The following CADM2 variants were observed in gnomAD, a reference collection of about 807,000 sequenced individuals.
The protein encoded by CADM2 is cell adhesion molecule 2, also known as immunoglobulin superfamily member 4D.
A neutral mutation model predicts 49.8 loss-of-function variants in CADM2; 12 were observed. The observed-to-expected ratio is 0.24, with a 90% CI of 0.15 to 0.39. The LOEUF is 0.39. Ranked by LOEUF, CADM2 falls within the 10% of genes least tolerant of loss-of-function variation. CADM2 has a pLI of 1.00. For missense variants in CADM2, 378 were observed against 492.3 expected (o/e 0.77, Z 2.20); for synonymous variants, 214 against 175.4 (o/e 1.22, Z -1.74).
At chr3:86,056,453 C>A (rs1275963674) in intron 8 of CADM2, among the ~76,000 whole-genome samples, 3 of 152,156 alleles carry the variant, frequency 2.0e-5, no homozygotes, top group Non-Finnish European at 4.4e-5. Context: ...GTATCTTTTT[C>A]AAGGACATAT....
chr3:85,771,810 C>T (rs1169247471), intron 2 of CADM2, among the ~76,000 whole-genome samples: 1 of 151,826 alleles, frequency 6.6e-6, no homozygotes, highest in African/African-American at 2.4e-5. Flanking sequence ...TCTAGATGGC[C>T]GATCTATAAT....
intron 8 of CADM2, among the ~76,000 whole-genome samples, chr3:86,011,803 G>T (rs1309064097): frequency 6.6e-6 from 1 of 152,058 alleles, no homozygotes; most frequent in Non-Finnish European, 1.5e-5. Context: ...AGGTGGAAAC[G>T]TACGAACATA....
At chr3:86,043,644 T>C (rs1400152997) in intron 8 of CADM2, among the ~76,000 whole-genome samples, 1 of 152,162 alleles carries the variant, frequency 6.6e-6, no homozygotes, top group African/African-American at 2.4e-5. Flanking sequence ...TCCAAGGTAA[T>C]TTGTAGATTC....
chr3:85,308,681 A>G (rs2044273892), intron 1 of CADM2, among the ~76,000 whole-genome samples: 1 of 152,056 alleles, frequency 6.6e-6, no homozygotes, highest in Non-Finnish European at 1.5e-5. Flanking sequence ...GTATGAAGAC[A>G]GAGCAGTGTA....
At chr3:85,968,870 T>G (rs1374320336) in intron 8 of CADM2, among the ~76,000 whole-genome samples, 1 of 151,752 alleles carries the variant, frequency 6.6e-6, no homozygotes, top group African/African-American at 2.4e-5. Flanking sequence ...ATAGAAGACA[T>G]AGATTTTTAC....
intron 1 of CADM2, among the ~76,000 whole-genome samples, chr3:85,469,701 A>G (rs2038682515): frequency 6.6e-6 from 1 of 152,180 alleles, no homozygotes; most frequent in Non-Finnish European, 1.5e-5. Flanking sequence ...ATCATGCATT[A>G]TCACCATTGG....
At chr3:85,093,372 G>A (rs1023698482) in intron 1 of CADM2, among the ~76,000 whole-genome samples, 15 of 151,746 alleles carry the variant, frequency 9.9e-5, no homozygotes, top group African/African-American at 1.7e-4. Context: ...TTAGCTCGGC[G>A]TGGTGGTGCA....
At chr3:85,179,662 T>G (rs900540179) in intron 1 of CADM2, among the ~76,000 whole-genome samples, 1 of 152,078 alleles carries the variant, frequency 6.6e-6, no homozygotes, top group Non-Finnish European at 1.5e-5. Context: ...CTATTTCAAA[T>G]TCGTATATTG....
Position 85,509,337 on chromosome 3 carries a change from G to A in CADM2, c.62-217185G>A, listed in dbSNP as rs567839793. Among the ~76,000 whole-genome samples, 10 of 152,234 alleles carry A rather than the reference G, an allele frequency of 6.6e-5. No individual in the cohort carries two copies. The South Asian group carries it at 1.9e-3, about 28-fold the overall frequency. ...ACAGGGTTTCTATAAGAACCAGCCA[G>A]CACATCATTTTGGAAACATAATCCC... is the stretch of plus-strand genomic sequence containing the variant. On this transcript the variant is annotated intron_variant, in intron 1 of 9. Coordinates refer to ENST00000383699, the MANE Select transcript of CADM2 (RefSeq NM_001167675.2).
chr3:86,029,199 T>C (rs942819861), intron 8 of CADM2, among the ~76,000 whole-genome samples: 1 of 152,132 alleles, frequency 6.6e-6, no homozygotes, highest in South Asian at 2.1e-4. Context: ...TGAAAGCTAT[T>C]GAACATTTTC....
chr3:85,646,915 G>A (rs1432783565), intron 1 of CADM2, among the ~76,000 whole-genome samples: 1 of 151,722 alleles, frequency 6.6e-6, no homozygotes, highest in African/African-American at 2.4e-5. Context: ...CTTGGCCTGT[G>A]GTAAAACATC....
intron 1 of CADM2, among the ~76,000 whole-genome samples, chr3:85,144,283 T>C (rs938123033): frequency 1.3e-5 from 2 of 149,084 alleles, no homozygotes; most frequent in Non-Finnish European, 3.0e-5. Flanking sequence ...GTGCACACAA[T>C]CTTTCTCGTG....
chr3:85,446,998 A>ATG (rs1336658633), intron 1 of CADM2, among the ~76,000 whole-genome samples: 1 of 114,912 alleles, frequency 8.7e-6, no homozygotes, highest in Non-Finnish European at 1.7e-5. Flanking sequence ...TTGCATATAT[A>ATG]TATATATATA....
chr3:85,304,427 TA>T (rs1393867458), intron 1 of CADM2, among the ~76,000 whole-genome samples: 4 of 151,804 alleles, frequency 2.6e-5, no homozygotes, highest in African/African-American at 9.7e-5. Flanking sequence ...AGATGTTAAT[TA>T]AATGACCTTT....
At chr3:85,077,551 A>G (rs1276024945) in intron 1 of CADM2, among the ~76,000 whole-genome samples, 1 of 152,110 alleles carries the variant, frequency 6.6e-6, no homozygotes, top group African/African-American at 2.4e-5. Flanking sequence ...AACCCAAACT[A>G]TAACATCTCC....
chr3:85,395,629 A>G (rs376512443), intron 1 of CADM2, among the ~76,000 whole-genome samples: 1 of 152,214 alleles, frequency 6.6e-6, no homozygotes, highest in East Asian at 1.9e-4. Context: ...GGGAATATAT[A>G]AACTGTTCAT....
At chr3:86,034,647 A>G (rs1248484270) in intron 8 of CADM2, among the ~76,000 whole-genome samples, 2 of 152,016 alleles carry the variant, frequency 1.3e-5, no homozygotes, top group African/African-American at 2.4e-5. Flanking sequence ...TAGAGAGGTA[A>G]ACTCTTAACT....
intron 1 of CADM2, among the ~76,000 whole-genome samples, chr3:85,589,133 AGACACATGTTTGTGT>A (rs2063029946): frequency 6.6e-6 from 1 of 152,064 alleles, no homozygotes; most frequent in East Asian, 1.9e-4. Context: ...TCTAAAGGAG[AGACACATGTTTGTGT>A]GTGGGGAGGA....
chr3:85,833,695 A>T (rs2074283576), intron 3 of CADM2, among the ~76,000 whole-genome samples: 1 of 151,546 alleles, frequency 6.6e-6, no homozygotes, highest in Admixed American at 6.6e-5. Flanking sequence ...TGATGTCTGC[A>T]TAGATTCCAG....
Sources: gnomAD v4.1 joint callset for allele counts (sites outside exome capture counted in the v4.1 genomes callset) on GRCh38, gnomAD v4.1.1 for gene constraint, MANE v1.5 for transcripts, NCBI Gene and HGNC (gene_info 2026-07-23, HGNC 2026-07-21) for gene names.